CNGB3: variants seen among roughly 807,000 people sequenced by gnomAD.
CNGB3 encodes cyclic nucleotide-gated channel beta-3.
In CNGB3, 86 loss-of-function variants were observed where a neutral mutation model predicts 92.8. The observed-to-expected ratio is 0.93, with a 90% confidence interval of 0.78 to 1.11. The LOEUF (loss-of-function observed/expected upper bound fraction) is 1.11. CNGB3 is among the 50% of genes least tolerant of loss of function. The probability of loss-of-function intolerance (pLI) is 0.00; values close to 1 mark genes in which losing one functional copy is unlikely to be tolerated. For synonymous variants in CNGB3, 333 were observed against 332.7 expected (o/e 1.00, Z -0.01); for missense variants, 1,026 against 956.8 (o/e 1.07, Z -0.95).
chr8:86,596,205 T>A (rs1445831036), intron 15 of CNGB3, among the ~76,000 whole-genome samples: 1 of 152,202 alleles, frequency 6.6e-6, no homozygotes, highest in African/African-American at 2.4e-5. Context: ...TAAAATAACC[T>A]ATTAAAATGC....
rs575213773 is a variant in CNGB3 at position 86,595,345 on chromosome 8, C to G, written c.1781+8748G>C. 7.2e-5 allele frequency among the ~76,000 whole-genome samples: 11 copies of G among 152,234 alleles called. 1 individual carries two copies. The highest frequency in any genetic ancestry group is 2.6e-4 in the Admixed American group (4 of 15,302). On this transcript the variant is annotated intron_variant, in intron 15 of 17. Coordinates refer to ENST00000320005, the MANE Select transcript of CNGB3 (RefSeq NM_019098.5). ...TCCTCTCTGCTCTTCCAAATGGTGG[C>G]AAAAAGCCTTGATTTAGCACTGGAT...
At chr8:86,640,753 G>T (rs1020487397) in intron 10 of CNGB3, among the ~76,000 whole-genome samples, 1 of 121,804 alleles carries the variant, frequency 8.2e-6, no homozygotes, top group East Asian at 2.6e-4. Flanking sequence ...TCATTATATG[G>T]TGAACTTTTT....
intron 3 of CNGB3, among the ~76,000 whole-genome samples, chr8:86,699,103 G>A (rs1452541625): frequency 6.6e-6 from 1 of 152,052 alleles, no homozygotes; most frequent in African/African-American, 2.4e-5. Context: ...GATCATTAGA[G>A]TACACCTTTA....
intron 10 of CNGB3, among the ~76,000 whole-genome samples, chr8:86,638,694 C>G (rs767111934): frequency 2.0e-5 from 3 of 152,042 alleles, no homozygotes; most frequent in African/African-American, 7.2e-5. Context: ...TGAATGCATA[C>G]CTAGACTTAC....
intron 11 of CNGB3, among the ~76,000 whole-genome samples, chr8:86,630,360 T>G (rs1317900108): frequency 6.6e-6 from 1 of 152,212 alleles, no homozygotes; most frequent in Non-Finnish European, 1.5e-5. Flanking sequence ...AAAGCATTAT[T>G]GATTGCTGTT....
In CNGB3 at chr8:86,726,676, C is replaced by T; in HGVS notation, c.212-19G>A. The T allele has an allele frequency of 2.5e-6, 4 of 1,612,938 alleles. No individual in the cohort carries two copies. The highest frequency in any genetic ancestry group is 1.1e-5 in the South Asian group (1 of 91,072). On this transcript the variant is annotated intron_variant, in intron 2 of 17. Coordinates refer to ENST00000320005, the MANE Select transcript of CNGB3 (RefSeq NM_019098.5). ...AGTTTGTCTATGAAAAAAAAATTCA[C>T]ATAGATAGAAGAATGTACAACACTC...
chr8:86,662,460 G>T (rs1823660720), intron 6 of CNGB3, among the ~76,000 whole-genome samples: 1 of 152,206 alleles, frequency 6.6e-6, no homozygotes, highest in African/African-American at 2.4e-5. Context: ...AGGGAAAAGT[G>T]AAGTGTGTGG....
chr8:86,629,067 C>A lies in CNGB3; in HGVS notation c.1332G>T (p.Val444=). The A allele has an allele frequency of 6.2e-7, 1 of 1,613,928 alleles. No homozygotes were observed. The highest frequency in any genetic ancestry group is 8.5e-7 in the Non-Finnish European group (1 of 1,179,858). ...FSSLIGQMRD[V]IGAATANQNY... Reference sequence around the variant, plus strand: ...TCTGATTGGCTGTAGCTGCTCCAATCACATCTCTCATCTAAAACCACAAAT... The same window carrying A: ...TCTGATTGGCTGTAGCTGCTCCAATAACATCTCTCATCTAAAACCACAAAT... The change falls in exon 12 of 18, where the codon GTG becomes GTT. Residue 444 remains valine (V), a synonymous_variant. Coordinates refer to ENST00000320005, the MANE Select transcript of CNGB3 (RefSeq NM_019098.5).
Position 86,694,072 on chromosome 8 carries a change from G to T in CNGB3, c.339-22974C>A. Among the ~76,000 whole-genome samples, 2 of 127,374 alleles carry T rather than the reference G, an allele frequency of 1.6e-5. 1 individual carries two copies. Among genetic ancestry groups the T allele is most frequent in the Non-Finnish European group, 3.4e-5 (2 of 58,848 alleles). 83.6% of individuals were successfully genotyped at this position (127,374 alleles called of 152,430 possible). ...CCGGACGGGGCGGCTGGCCGGGCGG[G>T]GGGGCTGACCCCCCCACCTCCCTCC... On this transcript the variant is annotated intron_variant, in intron 3 of 17. Coordinates refer to ENST00000320005, the MANE Select transcript of CNGB3 (RefSeq NM_019098.5).
intron 3 of CNGB3, among the ~76,000 whole-genome samples, chr8:86,675,777 G>A (rs1433485098): frequency 2.6e-5 from 4 of 152,008 alleles, no homozygotes; most frequent in Non-Finnish European, 4.4e-5. Flanking sequence ...GACTTTTTTT[G>A]ATAAAGGTAC....
chr8:86,668,142 T>C lies in CNGB3; in HGVS notation c.520A>G (p.Lys174Glu), dbSNP rs867566684. 3 of 1,614,072 alleles carry C rather than the reference T, an allele frequency of 1.9e-6. No individual in the cohort carries two copies. In the Middle Eastern group the frequency reaches 4.9e-4, roughly 266 times the overall value. ...TAKPTAVPPV[K>E]ESDDKPTEHY... ...TCTGTTGGCTTATCATCGCTTTCTT[T>C]TACTGGTGGTACAGCCGTGGGCTTT... Residue 174 changes from lysine (K) to glutamate (E), a missense_variant, in exon 5 of 18, where the codon AAA becomes GAA. By Grantham distance (56) the Lys-to-Glu change is moderately conservative (BLOSUM62 1). Coordinates refer to ENST00000320005, the MANE Select transcript of CNGB3 (RefSeq NM_019098.5).
intron 3 of CNGB3, among the ~76,000 whole-genome samples, chr8:86,702,190 CA>C (rs1386716570): frequency 1.3e-5 from 2 of 152,162 alleles, no homozygotes; most frequent in Non-Finnish European, 2.9e-5. Context: ...AGGCTAGAGG[CA>C]ACTGTCTTGT....
At chr8:86,661,713 G>A in intron 6 of CNGB3, 1 of 1,404,320 alleles carries the variant, frequency 7.1e-7, no homozygotes, top group Non-Finnish European at 1.0e-6. Context: ...TTCCCATTCT[G>A]ACCCATGGGT....
At chr8:86,605,335 G>A (rs146142264) in intron 14 of CNGB3, among the ~76,000 whole-genome samples, 1 of 152,192 alleles carries the variant, frequency 6.6e-6, no homozygotes, top group East Asian at 1.9e-4. Context: ...AGACCTAAAT[G>A]GCACTTAGGT....
chr8:86,723,554 T>A (rs1011098008), intron 3 of CNGB3, among the ~76,000 whole-genome samples: 2 of 152,194 alleles, frequency 1.3e-5, no homozygotes, highest in Non-Finnish European at 2.9e-5. Flanking sequence ...GTCCCTAGGA[T>A]TCTAGATATG....
intron 10 of CNGB3, among the ~76,000 whole-genome samples, chr8:86,643,469 C>G (rs969134665): frequency 1.3e-5 from 2 of 151,438 alleles, no homozygotes; most frequent in Admixed American, 1.3e-4. Flanking sequence ...TATCTTTCCA[C>G]TCTCTGTCTC....
chr8:86,575,814 G>C lies in CNGB3; in HGVS notation c.2420C>G (p.Ala807Gly), dbSNP rs142846289. 5,239 of 1,613,408 alleles carry C rather than the reference G, an allele frequency of 3.2e-3. 13 individuals carry two copies. Among genetic ancestry groups the C allele is most frequent in the Non-Finnish European group, 3.5e-3 (4,170 of 1,179,482 alleles). The change falls in exon 18 of 18, where the codon GCT becomes GGT. Residue 807 changes from alanine (A) to glycine (G), a missense_variant. Ala to Gly is a moderately conservative substitution (Grantham distance 60). Transcript: ENST00000320005. ...EVLTIEVKEK[A>G]KQ ...AAGATAATCAAACATTTATTGCTTA[G>C]CCTTTTCTTTGACTTCAATAGTAAG...
chr8:86,644,158 C>T (rs1319732320), intron 9 of CNGB3, among the ~76,000 whole-genome samples: 1 of 151,190 alleles, frequency 6.6e-6, no homozygotes, highest in African/African-American at 2.4e-5. Context: ...CCTCAAAGGT[C>T]ACTTCTTCAG....
chr8:86,713,791 A>T (rs1476497703), intron 3 of CNGB3, among the ~76,000 whole-genome samples: 1 of 152,102 alleles, frequency 6.6e-6, no homozygotes, highest in Non-Finnish European at 1.5e-5. Flanking sequence ...ATCAAACTAA[A>T]TTTTTTTGAA....
Sources: gnomAD v4.1 joint callset for allele counts (sites outside exome capture counted in the v4.1 genomes callset) on GRCh38, gnomAD v4.1.1 for gene constraint, MANE v1.5 for transcripts, NCBI Gene and HGNC (gene_info 2026-07-23, HGNC 2026-07-21) for gene names.